The following LDAH variants were observed in gnomAD, a reference collection of about 807,000 sequenced individuals.
LDAH encodes the protein lipid droplet-associated hydrolase.
In LDAH, 26 loss-of-function variants were observed where a neutral mutation model predicts 29.6. That is an observed-to-expected ratio of 0.88 (90% CI 0.64 to 1.22). LDAH has a LOEUF of 1.22. Ranked by LOEUF, LDAH falls within the 50% of genes most tolerant of loss-of-function variation. The pLI is 0.00. For missense variants in LDAH, 344 were observed against 387.3 expected (o/e 0.89, Z 0.94); for synonymous variants, 117 against 133.0 (o/e 0.88, Z 0.83).
At chr2:20,804,538 T>A (rs1490601692) in intron 1 of LDAH, among the ~76,000 whole-genome samples, 1 of 152,180 alleles carries the variant, frequency 6.6e-6, no homozygotes, top group Non-Finnish European at 1.5e-5. Flanking sequence ...ATTAAATAAA[T>A]TGTAACTCAA....
chr2:20,802,034 A>G (rs1382204387), intron 1 of LDAH, among the ~76,000 whole-genome samples: 1 of 151,426 alleles, frequency 6.6e-6, no homozygotes, highest in African/African-American at 2.4e-5. Context: ...ATATCCACAC[A>G]TACTATATCT....
At chr2:20,806,349 A>G (rs1439860606) in intron 1 of LDAH, among the ~76,000 whole-genome samples, 3 of 152,160 alleles carry the variant, frequency 2.0e-5, no homozygotes, top group Admixed American at 6.5e-5. Flanking sequence ...TGCCACGATG[A>G]CACAGAGCAG....
chr2:20,720,243 G>C (rs1308051664), intron 5 of LDAH, among the ~76,000 whole-genome samples: 2 of 152,036 alleles, frequency 1.3e-5, no homozygotes, highest in Non-Finnish European at 2.9e-5. Flanking sequence ...TCTCAGAACT[G>C]ATAAATAAAG....
intron 5 of LDAH, among the ~76,000 whole-genome samples, chr2:20,725,342 T>C (rs1665937276): frequency 6.6e-6 from 1 of 152,206 alleles, no homozygotes; most frequent in Non-Finnish European, 1.5e-5. Context: ...TGAGCTCTAC[T>C]GTGGATGGGT....
intron 4 of LDAH, among the ~76,000 whole-genome samples, chr2:20,755,133 G>C (rs398044143): frequency 3.3e-5 from 3 of 91,490 alleles, no homozygotes; most frequent in Admixed American, 1.3e-4. Context: ...CTGTGTTTGT[G>C]TGTGTGTGTG....
chr2:20,776,238 G>T (rs867264491), intron 3 of LDAH, among the ~76,000 whole-genome samples: 72 of 151,754 alleles, frequency 4.7e-4, no homozygotes, highest in Middle Eastern at 3.4e-3. Flanking sequence ...GGTTTTTTTT[G>T]TGTGTGTGTG....
At chr2:20,729,093 C>T (rs1055945260) in intron 5 of LDAH, among the ~76,000 whole-genome samples, 3 of 152,156 alleles carry the variant, frequency 2.0e-5, no homozygotes, top group Non-Finnish European at 2.9e-5. Context: ...ACTCTGGTTG[C>T]CTTGGATTGG....
chr2:20,821,476 T>A (rs1189943549), intron 1 of LDAH, among the ~76,000 whole-genome samples: 1 of 152,152 alleles, frequency 6.6e-6, no homozygotes, highest in Non-Finnish European at 1.5e-5. Flanking sequence ...GGGACATGGA[T>A]GAAGCTGGAA....
At chr2:20,798,035 T>G (rs921866726) in intron 2 of LDAH, among the ~76,000 whole-genome samples, 9 of 152,162 alleles carry the variant, frequency 5.9e-5, no homozygotes, top group Non-Finnish European at 1.3e-4. Context: ...ATGATACCAA[T>G]ACTTCTTATA....
At position 20,776,263 on chromosome 2, in the gene LDAH, T is replaced by C. The variant is rs142924018; in HGVS notation, c.299-1284A>G. Among the ~76,000 whole-genome samples, 107 of 152,222 alleles carry C rather than the reference T, an allele frequency of 7.0e-4. No homozygotes were observed. In the East Asian group the frequency reaches 0.014, roughly 19 times the overall value. On this transcript the variant is annotated intron_variant, in intron 3 of 6. Transcript: ENST00000237822. ...GTGTGTGTGTGTGCTCATCTCCCCT[T>C]TTAGTCTAAGTCCTGTTTATCCTAC...
intron 4 of LDAH, among the ~76,000 whole-genome samples, chr2:20,746,334 T>C (rs892269190): frequency 3.9e-5 from 6 of 152,180 alleles, no homozygotes; most frequent in African/African-American, 4.8e-5. Flanking sequence ...AGGGAAACTC[T>C]AAAAATATAT....
chr2:20,727,281 TGA>T (rs1162000218), intron 5 of LDAH, among the ~76,000 whole-genome samples: 1 of 152,182 alleles, frequency 6.6e-6, no homozygotes, highest in African/African-American at 2.4e-5. Context: ...CTCAGATAAA[TGA>T]GAGAATAGGT....
rs1290515353 is a variant in LDAH at position 20,685,703 on chromosome 2, C to T, written c.*1200G>A. 58 of 1,532,666 alleles carry T rather than the reference C, an allele frequency of 3.8e-5. No individual in the cohort carries two copies. Among genetic ancestry groups the T allele is most frequent in the Non-Finnish European group, 5.1e-5 (58 of 1,139,832 alleles). 94.9% of individuals were successfully genotyped at this position (1,532,666 alleles called of 1,614,324 possible). A position where few individuals can be genotyped will look rare whatever the true frequency, so the allele number is the denominator to read the frequency against. ...TCTGATCCATGATCAACTGTCACTG[C>T]AGTATGTGGTTCTCAAGATTGAGTC... On this transcript the variant is annotated 3_prime_UTR_variant, in exon 7 of 7. Transcript: ENST00000237822.
chr2:20,770,618 C>A (rs546311679), intron 4 of LDAH, among the ~76,000 whole-genome samples: 83 of 152,240 alleles, frequency 5.5e-4, no homozygotes, highest in African/African-American at 1.9e-3. Context: ...ATTCTCCCCC[C>A]ACCCCAACAC....
intron 4 of LDAH, among the ~76,000 whole-genome samples, chr2:20,745,642 C>T (rs1446897519): frequency 1.3e-5 from 2 of 151,912 alleles, no homozygotes; most frequent in Non-Finnish European, 2.9e-5. Flanking sequence ...TATATACTTT[C>T]TATTTGTCAA....
intron 4 of LDAH, among the ~76,000 whole-genome samples, chr2:20,755,351 C>T (rs1668270598): frequency 6.6e-6 from 1 of 152,188 alleles, no homozygotes; most frequent in South Asian, 2.1e-4. Flanking sequence ...AGCCATGGTG[C>T]TTCCAATCCC....
chr2:20,811,286 G>A (rs1672475697), intron 1 of LDAH, among the ~76,000 whole-genome samples: 2 of 152,042 alleles, frequency 1.3e-5, no homozygotes, highest in South Asian at 4.1e-4. Flanking sequence ...CCAAAGTGCT[G>A]GGATTACAGG....
intron 5 of LDAH, among the ~76,000 whole-genome samples, chr2:20,736,179 C>G (rs898115381): frequency 2.0e-5 from 3 of 152,182 alleles, no homozygotes; most frequent in African/African-American, 7.2e-5. Context: ...CGGTGGCTCA[C>G]GCCTGTAATC....
At chr2:20,708,778 T>C (rs983304569) in intron 5 of LDAH, among the ~76,000 whole-genome samples, 2 of 152,190 alleles carry the variant, frequency 1.3e-5, no homozygotes, top group African/African-American at 4.8e-5. Flanking sequence ...CAGAATGGTT[T>C]GTAACTATGA....
Sources: allele counts gnomAD v4.1 joint callset (sites outside exome capture counted in the v4.1 genomes callset), GRCh38; gene constraint gnomAD v4.1.1; transcripts MANE v1.5; gene names NCBI Gene and HGNC (gene_info 2026-07-23, HGNC 2026-07-21).